CBLB: variants seen among roughly 807,000 people sequenced by gnomAD.
CBLB encodes E3 ubiquitin-protein ligase CBL-B.
A neutral mutation model predicts 104.9 loss-of-function variants in CBLB; 31 were observed. The observed-to-expected ratio is 0.30, with a 90% CI of 0.22 to 0.40. The LOEUF (loss-of-function observed/expected upper bound fraction) is 0.40. Ranked by LOEUF, CBLB falls within the 10% of genes least tolerant of loss-of-function variation. The pLI is 1.00. For synonymous variants in CBLB, 440 were observed against 422.6 expected (o/e 1.04, Z -0.51); for missense variants, 1,062 against 1,214.6 (o/e 0.87, Z 1.87).
Position 105,801,670 on chromosome 3 carries a change from G to A in CBLB, c.420-25128C>T, listed in dbSNP as rs145518280. ...TAAAACAGGCTGGGCCTTGCCCACCGCCCATTTTGAAGATTCCTTTGCAAT... is the reference window on the plus strand; with the variant it reads ...TAAAACAGGCTGGGCCTTGCCCACCACCCATTTTGAAGATTCCTTTGCAAT... On this transcript the variant is annotated intron_variant, in intron 3 of 18. Coordinates refer to ENST00000394030, the MANE Select transcript of CBLB (RefSeq NM_170662.5). Among the ~76,000 whole-genome samples the A allele has an allele frequency of 8.5e-5, 13 of 152,336 alleles. 1 individual carries two copies. Among genetic ancestry groups the A allele is most frequent in the South Asian group, 6.2e-4 (3 of 4,824 alleles).
At chr3:105,741,095 G>GT (rs66493673) in intron 6 of CBLB, among the ~76,000 whole-genome samples, 2,262 of 108,006 alleles carry the variant, frequency 0.021, 229 homozygotes, top group African/African-American at 0.071. Context: ...AAAAATTAGG[G>GT]TTTTTTTTTT....
At chr3:105,767,199 T>A (rs972239655) in intron 4 of CBLB, among the ~76,000 whole-genome samples, 4 of 152,088 alleles carry the variant, frequency 2.6e-5, no homozygotes, top group Non-Finnish European at 4.4e-5. Context: ...CTGCTAAAAA[T>A]TTTCATTGTA....
intron 3 of CBLB, among the ~76,000 whole-genome samples, chr3:105,791,283 G>A (rs1428004754): frequency 1.3e-5 from 2 of 152,184 alleles, no homozygotes; most frequent in East Asian, 3.8e-4. Flanking sequence ...CGGAGTCTCA[G>A]CCCCTGGTGT....
intron 3 of CBLB, among the ~76,000 whole-genome samples, chr3:105,804,072 T>A (rs1012126961): frequency 2.0e-5 from 3 of 152,138 alleles, no homozygotes; most frequent in African/African-American, 7.2e-5. Context: ...AATATACACA[T>A]AAAAATCATA....
At chr3:105,670,081 C>T in intron 18 of CBLB, 152 bp downstream of exon 18, 2 of 672,716 alleles carry the variant, frequency 3.0e-6, no homozygotes, top group African/African-American at 1.8e-5. Context: ...TCTCACAATG[C>T]CAGCTTTATA....
intron 10 of CBLB, among the ~76,000 whole-genome samples, chr3:105,714,769 T>C (rs937774995): frequency 6.6e-6 from 1 of 152,192 alleles, no homozygotes; most frequent in African/African-American, 2.4e-5. Context: ...AGAGACGTTC[T>C]TCACACTTAT....
chr3:105,845,709 A>G (rs979618975), intron 3 of CBLB, among the ~76,000 whole-genome samples: 1 of 152,092 alleles, frequency 6.6e-6, no homozygotes, highest in Non-Finnish European at 1.5e-5. Context: ...GCCTCCCCTA[A>G]CAGACTCCCT....
chr3:105,785,185 T>G (rs1193658595), intron 3 of CBLB, among the ~76,000 whole-genome samples: 1 of 152,184 alleles, frequency 6.6e-6, no homozygotes, highest in Admixed American at 6.5e-5. Context: ...AGCTATCAAA[T>G]AAAAGTTTGT....
At chr3:105,841,522 G>A (rs1248353630) in intron 3 of CBLB, among the ~76,000 whole-genome samples, 3 of 150,690 alleles carry the variant, frequency 2.0e-5, no homozygotes, top group African/African-American at 2.4e-5. Context: ...GTGTGATCTC[G>A]GCTCACTGCA....
intron 3 of CBLB, among the ~76,000 whole-genome samples, chr3:105,779,011 G>T (rs1439411374): frequency 6.6e-6 from 1 of 152,154 alleles, no homozygotes; most frequent in African/African-American, 2.4e-5. Context: ...TTGGGCTAAA[G>T]ATTTAATTTT....
chr3:105,751,380 G>C (rs1396191249), intron 5 of CBLB, 82 bp downstream of exon 5: 15 of 942,260 alleles, frequency 1.6e-5, no homozygotes, highest in East Asian at 2.6e-5. Flanking sequence ...GTGTGAGAGA[G>C]AGACAGAGAG....
chr3:105,800,407 T>C (rs1277452316), intron 3 of CBLB, among the ~76,000 whole-genome samples: 1 of 152,158 alleles, frequency 6.6e-6, no homozygotes, highest in Non-Finnish European at 1.5e-5. Flanking sequence ...CGGAATCATC[T>C]GAGGAACTTG....
chr3:105,806,431 T>A, intron 3 of CBLB, among the ~76,000 whole-genome samples: 1 of 114,622 alleles, frequency 8.7e-6, no homozygotes, highest in Non-Finnish European at 1.8e-5. Flanking sequence ...AAAACAAAAA[T>A]AGAAGTGGTA....
At chr3:105,712,674 C>T (rs977425598) in intron 10 of CBLB, among the ~76,000 whole-genome samples, 2 of 152,072 alleles carry the variant, frequency 1.3e-5, no homozygotes, top group African/African-American at 4.8e-5. Context: ...TTATTTAATC[C>T]TCAAAATAGT....
chr3:105,863,316 A>C (rs2092240132), intron 2 of CBLB, among the ~76,000 whole-genome samples: 1 of 152,236 alleles, frequency 6.6e-6, no homozygotes, highest in South Asian at 2.1e-4. Flanking sequence ...AGTACTAAAC[A>C]AAACTGTCCA....
In CBLB at chr3:105,702,322, A is replaced by G. The variant is rs747045996; in HGVS notation, c.1731T>C (p.His577=). 2 of 1,613,786 alleles carry G rather than the reference A, an allele frequency of 1.2e-6. No individual in the cohort carries two copies. The highest frequency in any genetic ancestry group is 1.7e-6 in the Non-Finnish European group (2 of 1,179,928). ...PDNRLSRHIH[H]VESVPSRDPP... ...GGTCTCTGGAAGGCACGCTTTCCAC[A>G]TGATGGATGTGTCTACTCAGTCTAT... Residue 577 remains histidine (H), a synonymous_variant, in exon 12 of 19, where the codon CAT becomes CAC. Transcript: ENST00000394030.
Position 105,754,261 on chromosome 3 carries a change from AACTTTCTTAAG to A in CBLB, c.567-2654_567-2644del, listed in dbSNP as rs531053550. Among the ~76,000 whole-genome samples, 242 of 152,246 alleles carry A rather than the reference AACTTTCTTAAG, an allele frequency of 1.6e-3. 1 individual carries two copies. The highest frequency in any genetic ancestry group is 5.6e-3 in the African/African-American group (231 of 41,532). On this transcript the variant is annotated intron_variant, in intron 4 of 18. Transcript: ENST00000394030. ...TCTAAACTGTTGCACTAAGGCTCTA[AACTTTCTTAAG>A]ACTAAGTGGCTACCATTCTTCTCTG...
At chr3:105,768,926 TAA>T (rs2078530847) in intron 4 of CBLB, among the ~76,000 whole-genome samples, 1 of 152,184 alleles carries the variant, frequency 6.6e-6, no homozygotes, top group African/African-American at 2.4e-5. Context: ...ACTGATCATT[TAA>T]AAAGAGATCA....
chr3:105,803,922 T>C (rs898622757), intron 3 of CBLB, among the ~76,000 whole-genome samples: 8 of 152,176 alleles, frequency 5.3e-5, no homozygotes, highest in African/African-American at 1.9e-4. Context: ...ACAGGAGTGA[T>C]TTTTAGGGTA....
Sources: allele counts gnomAD v4.1 joint callset (sites outside exome capture counted in the v4.1 genomes callset), GRCh38; gene constraint gnomAD v4.1.1; transcripts MANE v1.5; gene names NCBI Gene and HGNC (gene_info 2026-07-23, HGNC 2026-07-21).